RMDN2: variants seen among roughly 807,000 people sequenced by gnomAD.
The protein encoded by RMDN2 is regulator of microtubule dynamics protein 2.
RMDN2 carries 61 observed loss-of-function variants against 52.8 expected under a neutral mutation model. That is an observed-to-expected ratio of 1.16 (90% CI 0.94 to 1.43). The LOEUF (loss-of-function observed/expected upper bound fraction) is 1.43. RMDN2 is among the 40% of genes most tolerant of loss of function. RMDN2 has a pLI of 0.00. For missense variants in RMDN2, 592 were observed against 475.3 expected, an observed-to-expected ratio of 1.25 and a Z score of -2.28; for synonymous variants, 180 against 153.1, an observed-to-expected ratio of 1.18 and a Z score of -1.30.
intron 10 of RMDN2, among the ~76,000 whole-genome samples, chr2:38,012,136 C>G (rs1678085266): frequency 6.6e-6 from 1 of 152,186 alleles, no homozygotes; most frequent in South Asian, 2.1e-4. Flanking sequence ...CTGCCCTTCA[C>G]CCTTAGAACA....
chr2:38,039,826 G>A (rs147976961), intron 10 of RMDN2, among the ~76,000 whole-genome samples: 4 of 152,224 alleles, frequency 2.6e-5, no homozygotes, highest in Non-Finnish European at 5.9e-5. Context: ...CATGCCATAA[G>A]GATTAAATGA....
intron 2 of RMDN2, among the ~76,000 whole-genome samples, chr2:37,949,008 A>G (rs1668469721): frequency 6.6e-6 from 1 of 152,200 alleles, no homozygotes; most frequent in Admixed American, 6.5e-5. Flanking sequence ...AATTTTTTAT[A>G]GAAACTTTAT....
At chr2:38,041,268 T>A (rs565682490) in intron 10 of RMDN2, among the ~76,000 whole-genome samples, 1 of 152,212 alleles carries the variant, frequency 6.6e-6, no homozygotes, top group South Asian at 2.1e-4. Context: ...TGCCCTCCTC[T>A]CCTACTACTT....
In RMDN2 at chr2:37,981,172, G is replaced by A. The variant is rs1426932029; in HGVS notation, c.731-111G>A. ...TTCTTAAACAAAGTTGCCATGTGAT[G>A]CTGATGCTTCTGGTCTTGGGACCAT... On this transcript the variant is annotated intron_variant, in intron 4 of 10. Transcript: ENST00000354545. 1.2e-5 allele frequency: 9 copies of A among 750,608 alleles called. No homozygotes were observed. The African/African-American group carries it at 1.2e-4, about 10-fold the overall frequency. The allele number at this position is 750,608 out of a possible 1,614,324, so 46.5% of individuals were successfully genotyped here. A position where few individuals can be genotyped will look rare whatever the true frequency, so the allele number is the denominator to read the frequency against.
At chr2:37,952,340 T>A in intron 2 of RMDN2, 1 of 735,378 alleles carries the variant, frequency 1.4e-6, no homozygotes, top group South Asian at 2.2e-5. Flanking sequence ...AGAAGATTCC[T>A]ACATTGCAGT....
chr2:37,946,871 G>A (rs192364696), intron 2 of RMDN2, among the ~76,000 whole-genome samples: 1 of 152,074 alleles, frequency 6.6e-6, no homozygotes, highest in Admixed American at 6.6e-5. Context: ...ATCTAGTGTT[G>A]CTAGAATGCA....
chr2:37,967,541 T>C (rs75406799), intron 2 of RMDN2, among the ~76,000 whole-genome samples: 2,259 of 152,302 alleles, frequency 0.015, 55 homozygotes, highest in African/African-American at 0.05. Flanking sequence ...GCTCAAGGTA[T>C]TTTGCTTGTT....
At chr2:37,942,405 T>C (rs1302519509) in intron 2 of RMDN2, among the ~76,000 whole-genome samples, 3 of 152,226 alleles carry the variant, frequency 2.0e-5, no homozygotes, top group Non-Finnish European at 4.4e-5. Context: ...TTGAACACTT[T>C]CCTTCATAAT....
intron 10 of RMDN2, among the ~76,000 whole-genome samples, chr2:38,041,891 A>G (rs1186998710): frequency 1.3e-5 from 2 of 152,134 alleles, no homozygotes; most frequent in South Asian, 2.1e-4. Flanking sequence ...TCATTTTCAT[A>G]AAAGATATTG....
At chr2:37,976,585 C>T (rs2125079144) in intron 4 of RMDN2, among the ~76,000 whole-genome samples, 1 of 152,270 alleles carries the variant, frequency 6.6e-6, no homozygotes, top group South Asian at 2.1e-4. Context: ...TCGTTTCCCC[C>T]AGTGGGAGGA....
At chr2:38,021,348 A>C (rs978708505), downstream of RMDN2, among the ~76,000 whole-genome samples, 2 of 152,212 alleles carry the variant, frequency 1.3e-5, no homozygotes, top group African/African-American at 2.4e-5. Flanking sequence ...AGAGAATAAA[A>C]GGCTGCCGGA....
chr2:38,020,689 G>A (rs1229220103), downstream of RMDN2, among the ~76,000 whole-genome samples: 1 of 152,228 alleles, frequency 6.6e-6, no homozygotes, highest in Non-Finnish European at 1.5e-5. Context: ...GGGTCCCCCA[G>A]CAGTGCTGGC....
At chr2:38,015,558 C>T (rs868121493) in intron 10 of RMDN2, among the ~76,000 whole-genome samples, 23 of 137,516 alleles carry the variant, frequency 1.7e-4, no homozygotes, top group African/African-American at 5.2e-4. Context: ...AGCGAGACTC[C>T]GTCTCAAAAA....
chr2:38,001,762 T>A (rs1676351897), intron 8 of RMDN2, among the ~76,000 whole-genome samples: 1 of 152,130 alleles, frequency 6.6e-6, no homozygotes, highest in African/African-American at 2.4e-5. Context: ...AGAAATGCAC[T>A]TACCAAACTA....
At chr2:37,946,154 A>G (rs1219295903) in intron 2 of RMDN2, among the ~76,000 whole-genome samples, 5 of 152,212 alleles carry the variant, frequency 3.3e-5, no homozygotes, top group Non-Finnish European at 7.3e-5. Context: ...ATAGAACTGA[A>G]TCATAATTTT....
intron 2 of RMDN2, chr2:37,950,383 G>A (rs1386423056): frequency 2.6e-6 from 4 of 1,509,570 alleles, no homozygotes; most frequent in South Asian, 1.2e-5. Flanking sequence ...GTGAGCTACA[G>A]AACAGTTCTA....
At chr2:37,966,065 C>T (rs953835359) in intron 2 of RMDN2, among the ~76,000 whole-genome samples, 1 of 152,134 alleles carries the variant, frequency 6.6e-6, no homozygotes, top group African/African-American at 2.4e-5. Flanking sequence ...GCATTCAGTA[C>T]TTTAAGTATG....
chr2:37,996,246 G>A (rs150836790), intron 7 of RMDN2, among the ~76,000 whole-genome samples: 4 of 152,134 alleles, frequency 2.6e-5, no homozygotes, highest in East Asian at 3.9e-4. Flanking sequence ...ATAAGCATAC[G>A]AATAAGAAAA....
intron 10 of RMDN2, among the ~76,000 whole-genome samples, chr2:38,010,915 T>G (rs1471174506): frequency 6.6e-6 from 1 of 152,230 alleles, no homozygotes; most frequent in Non-Finnish European, 1.5e-5. Flanking sequence ...CTATAAAGTT[T>G]TAAAATTTGC....
Sources: gnomAD v4.1 joint callset for allele counts (sites outside exome capture counted in the v4.1 genomes callset) on GRCh38, gnomAD v4.1.1 for gene constraint, MANE v1.5 for transcripts, NCBI Gene and HGNC (gene_info 2026-07-23, HGNC 2026-07-21) for gene names.